PHTF2: variants seen among roughly 807,000 people sequenced by gnomAD.
PHTF2 encodes protein PHTF2.
In PHTF2, 60 loss-of-function variants were observed where a neutral mutation model predicts 101.2. The ratio of observed to expected loss-of-function variants is 0.59; its 90% CI spans 0.48 to 0.73. PHTF2 has a LOEUF of 0.73. Ranked by LOEUF, PHTF2 falls within the 30% of genes least tolerant of loss-of-function variation. PHTF2 has a pLI of 0.00. For missense variants in PHTF2, 747 were observed against 908.7 expected (o/e 0.82, Z 2.29); for synonymous variants, 311 against 307.3 (o/e 1.01, Z -0.13).
intron 2 of PHTF2, among the ~76,000 whole-genome samples, chr7:77,843,055 C>T (rs1241072493): frequency 2.0e-5 from 3 of 152,170 alleles, no homozygotes; most frequent in Non-Finnish European, 4.4e-5. Flanking sequence ...TGTTTTGAAG[C>T]ATGCCTGCCT....
chr7:77,803,707 G>A (rs1421286011), intron 1 of PHTF2, among the ~76,000 whole-genome samples: 1 of 151,896 alleles, frequency 6.6e-6, no homozygotes, highest in Admixed American at 6.6e-5. Context: ...GTGTGTGTGT[G>A]TGTGTGTGTG....
chr7:77,840,762 C>T (rs977454681), intron 2 of PHTF2, among the ~76,000 whole-genome samples: 7 of 151,948 alleles, frequency 4.6e-5, no homozygotes, highest in African/African-American at 1.7e-4. Context: ...TTAGGATTGT[C>T]GTACCTACTT....
At chr7:77,899,686 T>C (rs1801203646) in intron 5 of PHTF2, among the ~76,000 whole-genome samples, 1 of 152,208 alleles carries the variant, frequency 6.6e-6, no homozygotes, top group Non-Finnish European at 1.5e-5. Context: ...CTCTTCTTTG[T>C]TTTAGATTCA....
At chr7:77,861,192 A>G (rs574050822) in intron 3 of PHTF2, among the ~76,000 whole-genome samples, 3 of 151,474 alleles carry the variant, frequency 2.0e-5, no homozygotes, top group African/African-American at 7.3e-5. Context: ...TTCTAACACA[A>G]TTTTTTCCTT....
intron 1 of PHTF2, among the ~76,000 whole-genome samples, chr7:77,833,959 A>G (rs1006714685): frequency 6.6e-6 from 1 of 152,166 alleles, no homozygotes; most frequent in African/African-American, 2.4e-5. Context: ...ACTTCTGTAC[A>G]TTATTGGAAT....
intron 1 of PHTF2, among the ~76,000 whole-genome samples, chr7:77,821,944 C>G (rs1794326918): frequency 6.6e-6 from 1 of 152,162 alleles, no homozygotes; most frequent in Non-Finnish European, 1.5e-5. Context: ...TTTCTTAGAC[C>G]TTGATTGCAG....
chr7:77,847,648 T>G (rs1796409357), intron 2 of PHTF2, among the ~76,000 whole-genome samples: 1 of 152,208 alleles, frequency 6.6e-6, no homozygotes, highest in South Asian at 2.1e-4. Context: ...AAACATATAA[T>G]CACATCACTG....
intron 16 of PHTF2, among the ~76,000 whole-genome samples, chr7:77,944,700 A>T (rs1405428565): frequency 6.6e-6 from 1 of 152,224 alleles, no homozygotes; most frequent in Non-Finnish European, 1.5e-5. Context: ...GCAGGATTAG[A>T]TCTCCAGCTA....
At chr7:77,953,961 C>T (rs1806768078) in intron 19 of PHTF2, 67 bp downstream of exon 18, 23 of 1,359,456 alleles carry the variant, frequency 1.7e-5, no homozygotes, top group Admixed American at 1.9e-5. Flanking sequence ...CCATTTTACC[C>T]TCACATGCAC....
intron 1 of PHTF2, among the ~76,000 whole-genome samples, chr7:77,802,876 C>T (rs985622239): frequency 2.0e-5 from 3 of 152,266 alleles, no homozygotes; most frequent in South Asian, 4.1e-4. Context: ...GAGAAAGTCT[C>T]GTGCTTCTAT....
chr7:77,880,164 A>G (rs1007148865), intron 3 of PHTF2, among the ~76,000 whole-genome samples: 1 of 152,188 alleles, frequency 6.6e-6, no homozygotes, highest in Non-Finnish European at 1.5e-5. Flanking sequence ...ACATTACTAA[A>G]TTTTAAAAAC....
chr7:77,935,698 C>G (rs1464659574), intron 12 of PHTF2, among the ~76,000 whole-genome samples: 1 of 152,130 alleles, frequency 6.6e-6, no homozygotes, highest in Non-Finnish European at 1.5e-5. Flanking sequence ...CTATTTCTGT[C>G]TCTAGATGGG....
intron 3 of PHTF2, among the ~76,000 whole-genome samples, chr7:77,873,121 G>A (rs1269584958): frequency 6.6e-6 from 1 of 152,084 alleles, no homozygotes; most frequent in African/African-American, 2.4e-5. Flanking sequence ...TAGAGACGGG[G>A]TTTCACAATG....
intron 1 of PHTF2, among the ~76,000 whole-genome samples, chr7:77,816,038 C>T (rs1295898015): frequency 6.6e-6 from 1 of 151,450 alleles, no homozygotes; most frequent in African/African-American, 2.4e-5. Context: ...TTTGTATTCT[C>T]TTGGAAATTT....
chr7:77,916,075 T>G (rs1259031461), intron 9 of PHTF2, among the ~76,000 whole-genome samples: 1 of 152,164 alleles, frequency 6.6e-6, no homozygotes, highest in African/African-American at 2.4e-5. Flanking sequence ...AGCTTCTTTC[T>G]GCTTTCCATT....
intron 1 of PHTF2, among the ~76,000 whole-genome samples, chr7:77,837,771 T>C (rs1312596313): frequency 6.6e-6 from 1 of 152,196 alleles, no homozygotes; most frequent in South Asian, 2.1e-4. Context: ...GCAGTGTTTT[T>C]CAAACTTTCA....
chr7:77,801,944 A>G (rs148264835), intron 1 of PHTF2, among the ~76,000 whole-genome samples: 17 of 152,374 alleles, frequency 1.1e-4, no homozygotes, highest in Non-Finnish European at 2.1e-4. Flanking sequence ...GCAATACTTC[A>G]AAGAAGACAT....
chr7:77,946,100 A>G (rs1369816008), intron 16 of PHTF2, among the ~76,000 whole-genome samples: 2 of 152,244 alleles, frequency 1.3e-5, no homozygotes, highest in African/African-American at 4.8e-5. Context: ...AAAGTGAATT[A>G]CAGTAAATAG....
At chr7:77,876,444 A>G (rs1305527268) in intron 3 of PHTF2, among the ~76,000 whole-genome samples, 1 of 152,172 alleles carries the variant, frequency 6.6e-6, no homozygotes. Context: ...AGTGTTGATT[A>G]ATGTCTTAGA....
Sources: allele counts gnomAD v4.1 joint callset (sites outside exome capture counted in the v4.1 genomes callset), GRCh38; gene constraint gnomAD v4.1.1; transcripts MANE v1.5; gene names NCBI Gene and HGNC (gene_info 2026-07-23, HGNC 2026-07-21).